Variants in SNRPD1 observed in about 807,000 individuals in gnomAD.
SNRPD1 encodes small nuclear ribonucleoprotein Sm D1.
In SNRPD1, 1 loss-of-function variant was observed where a neutral mutation model predicts 14.4. That is an observed-to-expected ratio of 0.07 (90% CI 0.02 to 0.33). The LOEUF is 0.33. Among genes scored for constraint, SNRPD1 ranks in the 10% least tolerant of loss-of-function variants. SNRPD1 has a pLI of 1.00. For missense variants in SNRPD1, 52 were observed against 146.4 expected (o/e 0.36, Z 3.33); for synonymous variants, 42 against 50.3 (o/e 0.83, Z 0.70).
chr18:21,630,792 A>G lies in SNRPD1; in HGVS notation c.*1654A>G, dbSNP rs546826022. The G allele has an allele frequency of 6.8e-4, 101 of 148,284 alleles. No individual in the cohort carries two copies. The highest frequency in any genetic ancestry group is 2.3e-3 in the African/African-American group (95 of 40,842). The allele number at this position is 148,284 out of a possible 1,614,324, so 9.2% of individuals were successfully genotyped here. A position where few individuals can be genotyped will look rare whatever the true frequency, so the allele number is the denominator to read the frequency against. ...AATCGAGAGAGAGATATATATATGT[A>G]TTTATATATATATGTATTTATACTA... On this transcript the variant is annotated 3_prime_UTR_variant, in exon 4 of 4. Coordinates refer to ENST00000300413, the MANE Select transcript of SNRPD1 (RefSeq NM_006938.4).
chr18:21,622,833 T>G, intron 2 of SNRPD1, 32 bp downstream of exon 2: 1 of 1,132,338 alleles, frequency 8.8e-7, no homozygotes, highest in African/African-American at 1.5e-5. Context: ...TATAACATTT[T>G]TTTTCTTCTC....
chr18:21,614,987 T>C (rs989557863), intron 1 of SNRPD1, among the ~76,000 whole-genome samples: 1 of 152,194 alleles, frequency 6.6e-6, no homozygotes, highest in Non-Finnish European at 1.5e-5. Context: ...AAATATCTTA[T>C]ACAATGAAAT....
At chr18:21,612,927 T>C (rs1164566208) in intron 1 of SNRPD1, among the ~76,000 whole-genome samples, 1 of 152,222 alleles carries the variant, frequency 6.6e-6, no homozygotes, top group Non-Finnish European at 1.5e-5. Context: ...GGTCTCGAAC[T>C]CCTGGGCTCA....
In SNRPD1 at chr18:21,629,773, C is replaced by G. The variant is rs1038912368; in HGVS notation, c.*635C>G. The G allele has an allele frequency of 6.6e-6, 1 of 152,386 alleles. No individual in the cohort carries two copies. The highest frequency in any genetic ancestry group is 2.4e-5 in the African/African-American group (1 of 41,464). The allele number at this position is 152,386 out of a possible 1,614,324, so 9.4% of individuals were successfully genotyped here. ...ATATGTAAAGAGACTTTAGGCTAAA[C>G]TTAACAATATATATAGGATATATAC... is the stretch of plus-strand genomic sequence containing the variant. On this transcript the variant is annotated 3_prime_UTR_variant, in exon 4 of 4. Coordinates refer to ENST00000300413, the MANE Select transcript of SNRPD1 (RefSeq NM_006938.4).
intron 3 of SNRPD1, among the ~76,000 whole-genome samples, chr18:21,626,785 C>CA (rs57392456): frequency 0.17 from 19,885 of 117,924 alleles, 1,806 homozygotes; most frequent in East Asian, 0.41. Flanking sequence ...GACTTGGTCT[C>CA]AAAAAAAAAA....
At chr18:21,621,610 G>A (rs904858653) in intron 1 of SNRPD1, among the ~76,000 whole-genome samples, 1 of 151,824 alleles carries the variant, frequency 6.6e-6, no homozygotes. Flanking sequence ...ATGGAGTCTT[G>A]CTCTGTCCCC....
chr18:21,626,809 G>T (rs541626565), intron 3 of SNRPD1, among the ~76,000 whole-genome samples: 32 of 151,034 alleles, frequency 2.1e-4, no homozygotes, highest in Non-Finnish European at 4.6e-4. Flanking sequence ...AAATTGTTTT[G>T]TTTGTTGTTT....
chr18:21,623,249 A>G (rs1380791694), intron 2 of SNRPD1, among the ~76,000 whole-genome samples: 1 of 152,124 alleles, frequency 6.6e-6, no homozygotes, highest in Non-Finnish European at 1.5e-5. Context: ...GTGCCACCAC[A>G]CCCAGCTAAT....
chr18:21,624,743 A>T (rs893349857), intron 3 of SNRPD1, among the ~76,000 whole-genome samples: 50 of 151,914 alleles, frequency 3.3e-4, no homozygotes, highest in African/African-American at 1.2e-3. Flanking sequence ...AGCTTGAAAA[A>T]CAATGATTTA....
chr18:21,620,431 C>T (rs1328554253), intron 1 of SNRPD1, among the ~76,000 whole-genome samples: 1 of 152,124 alleles, frequency 6.6e-6, no homozygotes, highest in African/African-American at 2.4e-5. Context: ...TTTAACTTTT[C>T]ATCCTCTGCA....
At chr18:21,621,872 C>T (rs551034906) in intron 1 of SNRPD1, among the ~76,000 whole-genome samples, 4 of 152,254 alleles carry the variant, frequency 2.6e-5, no homozygotes, top group East Asian at 1.9e-4. Flanking sequence ...TGAGCCATCA[C>T]GCCCAGCCTC....
At position 21,629,160 on chromosome 18, in the gene SNRPD1, CAT is replaced by C. The variant is rs750227734; in HGVS notation, c.*25_*26del. ...ATAATGTCTCTCAAGATTTCAAAGTCATATGAGATTTGGGATATTTTTTGTAC... is the reference window on the plus strand; with the variant it reads ...ATAATGTCTCTCAAGATTTCAAAGTCATGAGATTTGGGATATTTTTTGTAC... On this transcript the variant is annotated 3_prime_UTR_variant, in exon 4 of 4. Coordinates refer to ENST00000300413, the MANE Select transcript of SNRPD1 (RefSeq NM_006938.4). The C allele has an allele frequency of 4.5e-6, 7 of 1,557,196 alleles. No homozygotes were observed. In the Admixed American group the frequency reaches 5.0e-5, roughly 11 times the overall value.
intron 3 of SNRPD1, 139 bp from the exon 4 acceptor site, chr18:21,628,923 C>G: frequency 5.7e-6 from 4 of 706,534 alleles, no homozygotes; most frequent in Non-Finnish European, 1.0e-5. Context: ...TTAACAGAAG[C>G]TAGTTAAACT....
chr18:21,612,520 A>G, intron 1 of SNRPD1, 77 bp downstream of exon 1: 1 of 1,159,438 alleles, frequency 8.6e-7, no homozygotes, highest in Non-Finnish European at 1.2e-6. Flanking sequence ...GGGCTCTCCC[A>G]TTTGCAGGAG....
At chr18:21,617,854 C>T (rs749677713) in intron 1 of SNRPD1, among the ~76,000 whole-genome samples, 2 of 152,114 alleles carry the variant, frequency 1.3e-5, no homozygotes, top group Non-Finnish European at 1.5e-5. Context: ...TGGCATGCGC[C>T]TGTAGTCTCA....
rs532045600 is a variant in SNRPD1, at chr18:21,617,532, G to A, written c.14+5089G>A. ...TTGGTCTCTTGTCTTTCTAAAATCT[G>A]TTTCTGAACATTGGCCCTAGGTTCT... On this transcript the variant is annotated intron_variant, in intron 1 of 3. Coordinates refer to ENST00000300413, the MANE Select transcript of SNRPD1 (RefSeq NM_006938.4). Among the ~76,000 whole-genome samples, 224 of 152,188 alleles carry A rather than the reference G, an allele frequency of 1.5e-3. 1 individual carries two copies. Among genetic ancestry groups the A allele is most frequent in the Non-Finnish European group, 5.0e-4 (34 of 68,012 alleles).
At chr18:21,615,190 T>C (rs2038948150) in intron 1 of SNRPD1, among the ~76,000 whole-genome samples, 1 of 152,252 alleles carries the variant, frequency 6.6e-6, no homozygotes. Context: ...ATTTCATATA[T>C]TTGGAATCAC....
chr18:21,617,304 G>T (rs1416504761), intron 1 of SNRPD1, among the ~76,000 whole-genome samples: 2 of 151,698 alleles, frequency 1.3e-5, no homozygotes, highest in Non-Finnish European at 2.9e-5. Flanking sequence ...AAAACAAAAA[G>T]AAATACAAAA....
rs2039092552 is a variant in SNRPD1 at position 21,632,595 on chromosome 18, T to G, written c.*3457T>G. On this transcript the variant is annotated 3_prime_UTR_variant, in exon 4 of 4. Transcript: ENST00000300413. ...AGTTTATTCCACTAGAGGTCATTAT[T>G]TCATTTCCATGTGAAAGGGCTAAAA... 2 of 152,194 alleles carry G rather than the reference T, an allele frequency of 1.3e-5. No homozygotes were observed. The highest frequency in any genetic ancestry group is 1.5e-5 in the Non-Finnish European group (1 of 68,034). The allele number at this position is 152,194 out of a possible 1,614,324, so 9.4% of individuals were successfully genotyped here. A position where few individuals can be genotyped will look rare whatever the true frequency, so the allele number is the denominator to read the frequency against.
Sources: allele counts gnomAD v4.1 joint callset (sites outside exome capture counted in the v4.1 genomes callset), GRCh38; gene constraint gnomAD v4.1.1; transcripts MANE v1.5; gene names NCBI Gene and HGNC (gene_info 2026-07-23, HGNC 2026-07-21).